Variants in PCDHGA2 observed in about 807,000 individuals in gnomAD.
The protein encoded by PCDHGA2 is protocadherin gamma subfamily A, 2.
Under a neutral mutation model 59.2 loss-of-function variants are expected in PCDHGA2, and 40 were observed. The ratio of observed to expected loss-of-function variants is 0.68; its 90% confidence interval spans 0.52 to 0.88. The LOEUF is 0.88. Ranked by LOEUF, PCDHGA2 falls within the 40% of genes least tolerant of loss-of-function variation. The pLI, the probability that PCDHGA2 is intolerant of heterozygous loss-of-function variation, is 0.00. For missense variants in PCDHGA2, 1,226 were observed against 1,204.0 expected, an observed-to-expected ratio of 1.02 and a Z score of -0.27; for synonymous variants, 560 against 526.0, an observed-to-expected ratio of 1.06 and a Z score of -0.89.
rs147403131 is a variant in PCDHGA2, at chr5:141,368,659, C to A, written c.2424+27264C>A. 4.1e-3 allele frequency among the ~76,000 whole-genome samples: 617 copies of A among 152,246 alleles called. 6 individuals are homozygous for A. The highest frequency in any genetic ancestry group is 0.011 in the Admixed American group (171 of 15,302). On this transcript the variant is annotated intron_variant, in intron 1 of 3. Coordinates refer to ENST00000394576, the MANE Select transcript of PCDHGA2 (RefSeq NM_018915.4). ...AATGTTTTGTGCAATGGAAAAATATCTTTAAACCCTCTATAAACTACTAAC... is the reference window on the plus strand; with the variant it reads ...AATGTTTTGTGCAATGGAAAAATATATTTAAACCCTCTATAAACTACTAAC...
chr5:141,366,393 A>T, intron 1 of PCDHGA2: 3 of 1,614,122 alleles, frequency 1.9e-6, no homozygotes, highest in Non-Finnish European at 8.5e-7. Flanking sequence ...GAGGATCTGG[A>T]CCTCACACTC....
rs752629029 is a variant in PCDHGA2 at position 141,355,350 on chromosome 5, G to T, written c.2424+13955G>T. 6 of 1,614,046 alleles carry T rather than the reference G, an allele frequency of 3.7e-6. No homozygotes were observed. The East Asian group carries it at 1.3e-4, about 36-fold the overall frequency. ...GCTCAGTGGTGGGCAACATCGCCAA[G>T]GACCTGGGGTTGGCGCCCCGGGAGC... On this transcript the variant is annotated intron_variant, in intron 1 of 3. Coordinates refer to ENST00000394576, the MANE Select transcript of PCDHGA2 (RefSeq NM_018915.4).
Position 141,371,052 on chromosome 5 carries a change from C to T in PCDHGA2, c.2424+29657C>T, listed in dbSNP as rs769801850. 2.5e-6 allele frequency: 4 copies of T among 1,613,960 alleles called. No individual in the cohort carries two copies. In the South Asian group the frequency reaches 3.3e-5, roughly 13 times the overall value. ...CCTCACAGCTGTGGATGGGGGCGAGCCCTCCAGAAGCTGTACCACCCAGAT... is the reference window on the plus strand; with the variant it reads ...CCTCACAGCTGTGGATGGGGGCGAGTCCTCCAGAAGCTGTACCACCCAGAT... On this transcript the variant is annotated intron_variant, in intron 1 of 3. Coordinates refer to ENST00000394576, the MANE Select transcript of PCDHGA2 (RefSeq NM_018915.4).
At chr5:141,371,044 G>C in intron 1 of PCDHGA2, 1 of 1,613,964 alleles carries the variant, frequency 6.2e-7, no homozygotes, top group Admixed American at 1.7e-5. Context: ...GCTGTGGATG[G>C]GGGCGAGCCC....
intron 1 of PCDHGA2, chr5:141,404,091 G>A (rs1404367820): frequency 6.2e-7 from 1 of 1,613,422 alleles, no homozygotes; most frequent in Non-Finnish European, 8.5e-7. Flanking sequence ...GGGAAGAATG[G>A]TCAAGTTGTC....
At chr5:141,362,447 C>A (rs769703158) in intron 1 of PCDHGA2, 2 of 1,614,048 alleles carry the variant, frequency 1.2e-6, no homozygotes, top group East Asian at 2.2e-5. Context: ...CTGAACATAA[C>A]CCCGGAATTG....
rs753954982 is a variant in PCDHGA2 at position 141,478,158 on chromosome 5, C to A, written c.2425-16649C>A. 9 of 1,613,936 alleles carry A rather than the reference C, an allele frequency of 5.6e-6. No individual in the cohort carries two copies. In the African/African-American group the frequency reaches 1.2e-4, roughly 22 times the overall value. On this transcript the variant is annotated intron_variant, in intron 1 of 3. Transcript: ENST00000394576. ...GCCCGAGCCGAGTTCCCCTCTGGCT[C>A]TGCCCCCCGGGAGCAGAAAAAAAAT...
rs150123769 is a variant in PCDHGA2 at position 141,361,160 on chromosome 5, A to T, written c.2424+19765A>T. ...CAAGTTGAAATTCTTGATGACAACG[A>T]TTGTGCACCTGAAGTTATTGTGACT... On this transcript the variant is annotated intron_variant, in intron 1 of 3. Coordinates refer to ENST00000394576, the MANE Select transcript of PCDHGA2 (RefSeq NM_018915.4). 21 of 1,613,952 alleles carry T rather than the reference A, an allele frequency of 1.3e-5. 1 individual carries two copies. In the African/African-American group the frequency reaches 2.3e-4, roughly 17 times the overall value.
rs1561663429 is a variant in PCDHGA2 at position 141,398,237 on chromosome 5, T to C, written c.2424+56842T>C. 4.1e-6 allele frequency: 6 copies of C among 1,479,416 alleles called. No homozygotes were observed. In the African/African-American group the frequency reaches 8.6e-5, roughly 21 times the overall value. The allele number at this position is 1,479,416 out of a possible 1,614,324, so 91.6% of individuals were successfully genotyped here. ...CTCTGTGAGCAGATCCGCTACAGGA[T>C]TCCCGAGGAAATGCCCAAGGGCTCC... On this transcript the variant is annotated intron_variant, in intron 1 of 3. Transcript: ENST00000394576.
chr5:141,484,603 G>T (rs1460433183), intron 1 of PCDHGA2, among the ~76,000 whole-genome samples: 1 of 152,008 alleles, frequency 6.6e-6, no homozygotes, highest in Non-Finnish European at 1.5e-5. Context: ...TAGAATACTG[G>T]TTGATGACAA....
rs2093887845 is a variant in PCDHGA2, at chr5:141,399,791, C to T, written c.2424+58396C>T. ...TTGGTGGGCGACCGAAACGACAACG[C>T]ACCGCGGGTGCTGTACCCCGCGCTG... On this transcript the variant is annotated intron_variant, in intron 1 of 3. Transcript: ENST00000394576. 1.2e-6 allele frequency: 2 copies of T among 1,613,128 alleles called. No individual in the cohort carries two copies. Among genetic ancestry groups the T allele is most frequent in the Admixed American group, 1.7e-5 (1 of 59,984 alleles).
chr5:141,496,225 G>C (rs112222482), intron 2 of PCDHGA2, among the ~76,000 whole-genome samples: 178 of 152,276 alleles, frequency 1.2e-3, no homozygotes, highest in Non-Finnish European at 1.8e-3. Context: ...TGCTGAGACA[G>C]GAACCCCCTG....
At chr5:141,382,883 A>G in intron 1 of PCDHGA2, 5 of 1,528,792 alleles carry the variant, frequency 3.3e-6, no homozygotes, top group Non-Finnish European at 4.4e-6. Context: ...CGCCTAAGCA[A>G]GAGAAGCAGG....
intron 1 of PCDHGA2, chr5:141,383,337 A>G (rs1185721914): frequency 6.2e-7 from 1 of 1,614,066 alleles, no homozygotes; most frequent in East Asian, 2.2e-5. Flanking sequence ...TGGAGAATAC[A>G]GCTCCTGGGG....
rs772864846 is a variant in PCDHGA2, at chr5:141,352,076, C to T, written c.2424+10681C>T. ...CGCTTGGCTGTCCTACCACGTGCTGCAGGCCAGCGAGCCCGGGCTCTTCAG... is the reference window on the plus strand; with the variant it reads ...CGCTTGGCTGTCCTACCACGTGCTGTAGGCCAGCGAGCCCGGGCTCTTCAG... On this transcript the variant is annotated intron_variant, in intron 1 of 3. Transcript: ENST00000394576. 7.5e-6 allele frequency: 12 copies of T among 1,604,858 alleles called. No individual in the cohort carries two copies. In the African/African-American group the frequency reaches 1.2e-4, roughly 16 times the overall value.
intron 1 of PCDHGA2, chr5:141,409,530 C>G: frequency 6.2e-7 from 1 of 1,613,994 alleles, no homozygotes. Flanking sequence ...TTGTATGTCG[C>G]TGACATCAAC....
chr5:141,364,913 G>A (rs1337882112), intron 1 of PCDHGA2: 2 of 1,613,990 alleles, frequency 1.2e-6, no homozygotes, highest in South Asian at 2.2e-5. Context: ...TCCGGAGCTG[G>A]TGTTGGAACA....
At chr5:141,484,880 T>G (rs1258072805) in intron 1 of PCDHGA2, 3 of 336,846 alleles carry the variant, frequency 8.9e-6, no homozygotes, top group Admixed American at 9.2e-5. Flanking sequence ...GAGGATAGGG[T>G]GGGCTTTTTC....
At chr5:141,387,274 AT>A (rs2090884370) in intron 1 of PCDHGA2, among the ~76,000 whole-genome samples, 1 of 152,244 alleles carries the variant, frequency 6.6e-6, no homozygotes, top group South Asian at 2.1e-4. Context: ...GTTAGGAACA[AT>A]GAAAGAAAGA....
Sources: allele counts gnomAD v4.1 joint callset (sites outside exome capture counted in the v4.1 genomes callset), GRCh38; gene constraint gnomAD v4.1.1; transcripts MANE v1.5; gene names NCBI Gene and HGNC (gene_info 2026-07-23, HGNC 2026-07-21).